ADGRG7: variants seen among roughly 807,000 people sequenced by gnomAD.
ADGRG7 encodes G-protein coupled receptor 128.
A neutral mutation model predicts 88.6 loss-of-function variants in ADGRG7; 82 were observed. The observed-to-expected ratio is 0.93, with a 90% CI of 0.77 to 1.11. ADGRG7 has a LOEUF of 1.11. ADGRG7 is among the 50% of genes most tolerant of loss of function. The probability of loss-of-function intolerance (pLI) is 0.00; values close to 1 mark genes in which losing one functional copy is unlikely to be tolerated. For missense variants in ADGRG7, 945 were observed against 953.4 expected (o/e 0.99, Z 0.12); for synonymous variants, 381 against 345.2 (o/e 1.10, Z -1.15).
intron 15 of ADGRG7, among the ~76,000 whole-genome samples, chr3:100,674,160 T>TATGCCAGTACTATGCTGTTTTC (rs2094962033): frequency 6.6e-6 from 1 of 152,216 alleles, no homozygotes. Context: ...TTTCTGTTTT[T>TATGCCAGTACTATGCTGTTTTC]ATGCCAGTAC....
At chr3:100,646,788 T>G in intron 10 of ADGRG7, 64 bp downstream of exon 10, 1 of 1,318,172 alleles carries the variant, frequency 7.6e-7, no homozygotes. Flanking sequence ...TTCTAGTAGG[T>G]GCTCCTTGGA....
Position 100,633,309 on chromosome 3 carries a change from G to A in ADGRG7, c.379G>A (p.Gly127Arg), listed in dbSNP as rs770055964. 1.9e-6 allele frequency: 3 copies of A among 1,586,904 alleles called. No individual in the cohort carries two copies. In the African/African-American group the frequency reaches 4.1e-5, roughly 22 times the overall value. Residue 127 changes from glycine (G) to arginine (R), a missense_variant, in exon 4 of 16, where the codon GGA (glycine) becomes AGA (arginine). Coordinates refer to ENST00000273352, the MANE Select transcript of ADGRG7 (RefSeq NM_032787.3). Reference sequence around the variant, plus strand: ...CCGGTTGTGCAGTCTCTCTCTATATGGAGAGATAGAATTACAAAAAGTGAC... The same window carrying A: ...CCGGTTGTGCAGTCTCTCTCTATATAGAGAGATAGAATTACAAAAAGTGAC... ...AVRLCSLSLYGEIELQKVTIG... is the reference protein window; with the variant it reads ...AVRLCSLSLYREIELQKVTIG...
chr3:100,676,171 T>C (rs2094965081), intron 15 of ADGRG7, among the ~76,000 whole-genome samples: 1 of 152,164 alleles, frequency 6.6e-6, no homozygotes, highest in Non-Finnish European at 1.5e-5. Context: ...CTTTTCCAGT[T>C]CCTTAAGATG....
At position 100,694,929 on chromosome 3, in the gene ADGRG7, GC is replaced by G; in HGVS notation, c.2323del (p.Leu775TyrfsTer26). On this transcript the variant is annotated frameshift_variant, in exon 16 of 16. Coordinates refer to ENST00000273352, the MANE Select transcript of ADGRG7 (RefSeq NM_032787.3). LOFTEE classifies it high-confidence loss of function. The stretch of plus-strand genomic sequence containing the variant: ...TGCCAACCTTACATGAACGCTTTAG[GC>G]TACTGGAAACCTCTCCGAGTACTGA... ...SLPTLHERFRLLETSPSTEEI... is the reference protein window; with the variant it reads ...SLPTLHERFRXLETSPSTEEI... The G allele has an allele frequency of 1.2e-6, 2 of 1,614,122 alleles. No individual in the cohort carries two copies. Among genetic ancestry groups the G allele is most frequent in the Non-Finnish European group, 1.7e-6 (2 of 1,180,020 alleles).
At position 100,629,628 on chromosome 3, in the gene ADGRG7, C is replaced by T; in HGVS notation, c.146C>T (p.Thr49Ile). The change falls in exon 2 of 16, where the codon ACA becomes ATA. Residue 49 changes from threonine to isoleucine, a missense_variant. Physicochemically the swap from Thr to Ile is moderately conservative, Grantham distance 89 (BLOSUM62 -1). Transcript: ENST00000273352. ...GKSTSSSSTP[T>I]EFCRNGGTWE... Reference sequence around the variant, plus strand: ...TCTACTTCCTCATCAAGCACCCCTACAGAGTTCTGCAGGAATGGTGGAACC... The same window carrying T: ...TCTACTTCCTCATCAAGCACCCCTATAGAGTTCTGCAGGAATGGTGGAACC... 3.1e-6 allele frequency: 5 copies of T among 1,613,156 alleles called. No homozygotes were observed. Among genetic ancestry groups the T allele is most frequent in the Non-Finnish European group, 4.2e-6 (5 of 1,179,324 alleles).
intron 13 of ADGRG7, among the ~76,000 whole-genome samples, chr3:100,658,064 G>A (rs1426159622): frequency 6.6e-6 from 1 of 152,128 alleles, no homozygotes; most frequent in African/African-American, 2.4e-5. Context: ...CCACTTGACT[G>A]TTTAATAGAC....
chr3:100,664,458 C>A (rs1165534), intron 14 of ADGRG7, among the ~76,000 whole-genome samples: 1 of 151,846 alleles, frequency 6.6e-6, no homozygotes, highest in Non-Finnish European at 1.5e-5. Context: ...AATCTAACTC[C>A]CCAACCTTAA....
intron 15 of ADGRG7, among the ~76,000 whole-genome samples, chr3:100,677,295 C>T (rs9653903): frequency 0.038 from 5,708 of 151,906 alleles, 374 homozygotes; most frequent in African/African-American, 0.13. Context: ...TTTTATAAAC[C>T]ATTATTTTAA....
chr3:100,647,812 G>C lies in ADGRG7; in HGVS notation c.1266+1088G>C, dbSNP rs1707780807. Among the ~76,000 whole-genome samples, 3 of 152,168 alleles carry C rather than the reference G, an allele frequency of 2.0e-5. No homozygotes were observed. In the South Asian group the frequency reaches 6.2e-4, roughly 31 times the overall value. Reference sequence around the variant, plus strand: ...CTTAGTAAGGGACTATTAATGCTATGAATCTCCCAAGGAGAAGCAGATGTT... The same window carrying C: ...CTTAGTAAGGGACTATTAATGCTATCAATCTCCCAAGGAGAAGCAGATGTT... On this transcript the variant is annotated intron_variant, in intron 10 of 15. Transcript: ENST00000273352.
At chr3:100,637,986 G>C (rs1238546302) in intron 6 of ADGRG7, among the ~76,000 whole-genome samples, 1 of 152,212 alleles carries the variant, frequency 6.6e-6, no homozygotes, top group African/African-American at 2.4e-5. Flanking sequence ...ACTGTCAGGA[G>C]CGAACTCTGT....
Position 100,655,937 on chromosome 3 carries a change from A to T in ADGRG7, c.1765A>T (p.Ile589Phe). The change falls in exon 13 of 16, where the codon ATT becomes TTT. Residue 589 changes from isoleucine (I) to phenylalanine (F), a missense_variant. Ile to Phe is a conservative substitution (Grantham distance 21). Transcript: ENST00000273352. ...AIVVAITVGV[I>F]YSQNGNNPQW... ...AGTAGTGGCTATAACAGTGGGAGTT[A>T]TTTATTCTCAGAATGGAAATAATCC... 1 of 1,608,766 alleles carries T rather than the reference A, an allele frequency of 6.2e-7. No homozygotes were observed.
chr3:100,637,910 C>A (rs995330830), intron 6 of ADGRG7, among the ~76,000 whole-genome samples: 1 of 152,230 alleles, frequency 6.6e-6, no homozygotes, highest in Non-Finnish European at 1.5e-5. Context: ...CAGCCCACCC[C>A]ACTCAACCCC....
intron 15 of ADGRG7, among the ~76,000 whole-genome samples, chr3:100,677,049 C>G (rs138846951): frequency 8.5e-4 from 130 of 152,092 alleles, no homozygotes; most frequent in African/African-American, 2.9e-3. Flanking sequence ...TTCAGCCACT[C>G]TATGTCTTTT....
intron 6 of ADGRG7, 187 bp downstream of exon 6, chr3:100,637,589 C>A: frequency 1.9e-6 from 1 of 537,722 alleles, no homozygotes; most frequent in Non-Finnish European, 3.3e-6. Context: ...GTATATGTTA[C>A]CTCCTGCATC....
chr3:100,666,054 CT>C (rs1205474471), intron 14 of ADGRG7, among the ~76,000 whole-genome samples: 353 of 141,604 alleles, frequency 2.5e-3, no homozygotes, highest in Middle Eastern at 3.7e-3. Context: ...GGATGACTCA[CT>C]TTTTTTTTTT....
At chr3:100,667,819 C>G (rs2094953735) in intron 14 of ADGRG7, among the ~76,000 whole-genome samples, 1 of 151,740 alleles carries the variant, frequency 6.6e-6, no homozygotes, top group Non-Finnish European at 1.5e-5. Context: ...TCAGGTGCTA[C>G]CAGGGTATGA....
chr3:100,641,637 T>C (rs1707643632), intron 6 of ADGRG7, among the ~76,000 whole-genome samples: 1 of 152,390 alleles, frequency 6.6e-6, no homozygotes, highest in Middle Eastern at 3.4e-3. Context: ...AGGGCTTAAC[T>C]TCCTTTTGAC....
At chr3:100,657,671 T>C (rs1357335697) in intron 13 of ADGRG7, among the ~76,000 whole-genome samples, 1 of 152,216 alleles carries the variant, frequency 6.6e-6, no homozygotes, top group Non-Finnish European at 1.5e-5. Context: ...CTGCATCCAG[T>C]TATAATGCTC....
Position 100,654,863 on chromosome 3 carries a change from GT to G in ADGRG7, c.1412del (p.Leu471TrpfsTer9). 6.3e-7 allele frequency: 1 copy of G among 1,589,738 alleles called. No homozygotes were observed. Among genetic ancestry groups the G allele is most frequent in the African/African-American group, 1.3e-5 (1 of 74,320 alleles). ...RKVRKTSVTW[V>X]LVNLCISMLI... The stretch of plus-strand genomic sequence containing the variant: ...AGTCAGAAAAACCTCAGTAACCTGG[GT>G]TTTGGTCAATCTGTGCATATCAATG... On this transcript the variant is annotated frameshift_variant, in exon 12 of 16. Transcript: ENST00000273352. LOFTEE classifies it high-confidence loss of function.
Sources: gnomAD v4.1 joint callset for allele counts (sites outside exome capture counted in the v4.1 genomes callset) on GRCh38, gnomAD v4.1.1 for gene constraint, MANE v1.5 for transcripts, NCBI Gene and HGNC (gene_info 2026-07-23, HGNC 2026-07-21) for gene names.